USP36: variants seen among roughly 807,000 people sequenced by gnomAD.
USP36 encodes the protein ubiquitin carboxyl-terminal hydrolase 36.
In USP36, 59 loss-of-function variants were observed where a neutral mutation model predicts 111.5. That is an observed-to-expected ratio of 0.53 (90% confidence interval 0.43 to 0.66). The LOEUF (loss-of-function observed/expected upper bound fraction) is 0.66. Among genes scored for constraint, USP36 ranks in the 30% least tolerant of loss-of-function variants. USP36 has a pLI of 0.00. For missense variants in USP36, 1,488 were observed against 1,468.0 expected, an observed-to-expected ratio of 1.01 and a Z score of -0.22; for synonymous variants, 628 against 581.0, an observed-to-expected ratio of 1.08 and a Z score of -1.16.
downstream of USP36, among the ~76,000 whole-genome samples, chr17:78,793,733 A>C (rs968762055): frequency 2.0e-5 from 3 of 152,176 alleles, no homozygotes; most frequent in African/African-American, 7.2e-5. Context: ...GTCCAGTGTT[A>C]AACTGCCCTT....
chr17:78,805,930 T>A (rs562499468), intron 15 of USP36, among the ~76,000 whole-genome samples: 2 of 152,152 alleles, frequency 1.3e-5, no homozygotes, highest in South Asian at 4.2e-4. Context: ...AACTAAGACA[T>A]CAGGACTGCA....
At chr17:78,832,303 C>A (rs765985735) in intron 4 of USP36, among the ~76,000 whole-genome samples, 72 of 152,208 alleles carry the variant, frequency 4.7e-4, no homozygotes, top group Non-Finnish European at 9.0e-4. Flanking sequence ...CCCTTAGGAT[C>A]CTCAACTCTT....
At chr17:78,800,403 C>T (rs760926082) in intron 17 of USP36, among the ~76,000 whole-genome samples, 5 of 152,228 alleles carry the variant, frequency 3.3e-5, no homozygotes, top group African/African-American at 9.6e-5. Context: ...CCCAGCACCT[C>T]GGGACCAGGA....
chr17:78,841,203 C>T (rs984533564), upstream of USP36: 3 of 152,290 alleles, frequency 2.0e-5, no homozygotes, highest in Non-Finnish European at 4.4e-5. Context: ...CTTTGCCCAC[C>T]CCTGCAACAG....
intron 6 of USP36, among the ~76,000 whole-genome samples, chr17:78,825,295 C>G (rs2067438088): frequency 6.6e-6 from 1 of 152,170 alleles, no homozygotes; most frequent in African/African-American, 2.4e-5. Context: ...ACGCTCTGAT[C>G]ATAATGCAAG....
Position 78,827,254 on chromosome 17 carries a change from CCATT to C in USP36, c.676_679del (p.Asn226AlafsTer27). The C allele has an allele frequency of 6.2e-7, 1 of 1,613,368 alleles. No individual in the cohort carries two copies. The highest frequency in any genetic ancestry group is 1.1e-5 in the South Asian group (1 of 90,924). On this transcript the variant is annotated frameshift_variant, in exon 6 of 21. Coordinates refer to ENST00000449938, the MANE Select transcript of USP36 (RefSeq NM_001385174.1). LOFTEE classifies it high-confidence loss of function. ...GTGGGGAAGCACGCACTTGGCACAGCCATTCAGGCAGGCTTTCTGCATGGCGTCG... is the reference window on the plus strand; with the variant it reads ...GTGGGGAAGCACGCACTTGGCACAGCCAGGCAGGCTTTCTGCATGGCGTCG...
intron 15 of USP36, among the ~76,000 whole-genome samples, chr17:78,804,625 T>TTAA (rs1555625960): frequency 7.8e-5 from 3 of 38,310 alleles, no homozygotes; most frequent in East Asian, 7.5e-4. Context: ...CCCTGAGATT[T>TTAA]AAAAAAAAAA....
chr17:78,806,758 C>G (rs2093913042), intron 14 of USP36, among the ~76,000 whole-genome samples: 1 of 152,244 alleles, frequency 6.6e-6, no homozygotes, highest in Non-Finnish European at 1.5e-5. Context: ...TCAGGGCTCT[C>G]TCAACACCCC....
rs187534909 is a variant in USP36, at chr17:78,805,266, A to G, written c.2216+890T>C. ...TTGATTACTCTAAGTGTCTTCTGGA[A>G]TCTTTTCCAAAAAAGCTTATAAGGC... On this transcript the variant is annotated intron_variant, in intron 15 of 20. Coordinates refer to ENST00000449938, the MANE Select transcript of USP36 (RefSeq NM_001385174.1). Among the ~76,000 whole-genome samples, 4 of 152,332 alleles carry G rather than the reference A, an allele frequency of 2.6e-5. No individual in the cohort carries two copies. The East Asian group carries it at 7.7e-4, about 29-fold the overall frequency.
intron 10 of USP36, among the ~76,000 whole-genome samples, chr17:78,816,742 G>A (rs779184716): frequency 6.6e-6 from 1 of 152,110 alleles, no homozygotes; most frequent in South Asian, 2.1e-4. Context: ...CTCCCTAAGT[G>A]CTGACATTAG....
rs960831434 is a variant in USP36 at position 78,803,285 on chromosome 17, A to T, written c.2810+100T>A. 6 of 1,318,128 alleles carry T rather than the reference A, an allele frequency of 4.6e-6. No individual in the cohort carries two copies. Among genetic ancestry groups the T allele is most frequent in the Non-Finnish European group, 6.3e-6 (6 of 951,658 alleles). The allele number at this position is 1,318,128 out of a possible 1,614,324, so 81.7% of individuals were successfully genotyped here. A position where few individuals can be genotyped will look rare whatever the true frequency, so the allele number is the denominator to read the frequency against. On this transcript the variant is annotated intron_variant, in intron 16 of 20. Coordinates refer to ENST00000449938, the MANE Select transcript of USP36 (RefSeq NM_001385174.1). The surrounding 1 kb of genome is among the most constrained non-coding windows in gnomAD (Gnocchi z 4.6). ...CCACATTTTAGAAAACCACGCAAGC[A>T]GACTACGTTTCCAGACCATACCTAC...
At chr17:78,830,383 A>C (rs1031939536) in intron 4 of USP36, among the ~76,000 whole-genome samples, 1 of 152,218 alleles carries the variant, frequency 6.6e-6, no homozygotes. Flanking sequence ...GAATGAAGAG[A>C]CCACTGTTAT....
chr17:78,838,945 A>G (rs769357187), intron 1 of USP36, among the ~76,000 whole-genome samples, 195 bp from the exon 2 acceptor site: 2 of 152,166 alleles, frequency 1.3e-5, no homozygotes, highest in African/African-American at 2.4e-5. Context: ...TGCACACGAT[A>G]TGAACACCTT....
rs3744796 is a variant in USP36, at chr17:78,807,115, C to T, written c.1929G>A (p.Thr643=). The change falls in exon 14 of 21, where the codon ACG becomes ACA. Residue 643 remains threonine, a synonymous_variant. Transcript: ENST00000449938. ...TGGAGTGGCCAGCGGTGGAACAGTTCGTTTCCTGAGAATCGCAGAGATGGG... is the reference window on the plus strand; with the variant it reads ...TGGAGTGGCCAGCGGTGGAACAGTTTGTTTCCTGAGAATCGCAGAGATGGG... The part of the protein sequence containing the change: ...GAAHLCDSQE[T]NCSTAGHSKT... 4,462 of 1,614,162 alleles carry T rather than the reference C, an allele frequency of 2.8e-3. 84 individuals are homozygous for T. In the East Asian group the frequency reaches 0.053, roughly 19 times the overall value.
rs779010244 is a variant in USP36 at position 78,803,847 on chromosome 17, G to C, written c.2348C>G (p.Ala783Gly). 6.2e-7 allele frequency: 1 copy of C among 1,612,392 alleles called. No individual in the cohort carries two copies. The highest frequency in any genetic ancestry group is 1.3e-5 in the African/African-American group (1 of 74,736). ...AAGGTCCTCGTTGACCTGAGGCAGC[G>C]CCGTCGAGATGGAGGAGCAGCTCCG... ...EPRSCSSIST[A>G]LPQVNEDLVS... The change falls in exon 16 of 21, where the codon GCG becomes GGG. Residue 783 changes from alanine to glycine, a missense_variant. Coordinates refer to ENST00000449938, the MANE Select transcript of USP36 (RefSeq NM_001385174.1). This position sits in a 1 kb window ranked among gnomAD's most constrained non-coding sequence, Gnocchi z 4.6.
At chr17:78,829,038 G>A (rs1249871144) in intron 4 of USP36, 31 bp from the exon 5 acceptor site, 1 of 1,598,120 alleles carries the variant, frequency 6.3e-7, no homozygotes, top group South Asian at 1.1e-5. Context: ...GCAATTTTAA[G>A]ACAAGAGCTT....
chr17:78,820,865 G>A (rs1415430543), intron 8 of USP36, 126 bp downstream of exon 8: 14 of 991,234 alleles, frequency 1.4e-5, no homozygotes, highest in Admixed American at 6.0e-5. Flanking sequence ...ACTGCAAGGC[G>A]GCAGGGAGCA....
intron 6 of USP36, 25 bp downstream of exon 6, chr17:78,827,220 G>C (rs114473472): frequency 6.3e-7 from 1 of 1,593,982 alleles, no homozygotes; most frequent in Non-Finnish European, 8.5e-7. Flanking sequence ...CAAAGCCCTG[G>C]GAGGGTGGGT....
intron 18 of USP36, among the ~76,000 whole-genome samples, chr17:78,799,414 G>T (rs2093686029): frequency 6.6e-6 from 1 of 152,202 alleles, no homozygotes; most frequent in African/African-American, 2.4e-5. Flanking sequence ...CACAGCATGT[G>T]TGGGGCTCCT....
Sources: allele counts gnomAD v4.1 joint callset (sites outside exome capture counted in the v4.1 genomes callset), GRCh38; gene constraint gnomAD v4.1.1; non-coding constraint Gnocchi (gnomAD v3.1); transcripts MANE v1.5; gene names NCBI Gene and HGNC (gene_info 2026-07-23, HGNC 2026-07-21).